The following IGF2R variants were observed in gnomAD, a reference collection of about 807,000 sequenced individuals.
IGF2R encodes the protein insulin like growth factor 2 receptor, also known as cation-independent mannose-6-phosphate receptor.
In IGF2R, 91 loss-of-function variants were observed where a neutral mutation model predicts 270.6. The ratio of observed to expected loss-of-function variants is 0.34; its 90% CI spans 0.28 to 0.40. IGF2R has a LOEUF of 0.40. Among genes scored for constraint, IGF2R ranks in the 10% least tolerant of loss-of-function variants. IGF2R has a pLI of 1.00. For synonymous variants in IGF2R, 1,316 were observed against 1,258.9 expected, an observed-to-expected ratio of 1.05 and a Z score of -0.96; for missense variants, 2,805 against 3,188.3, an observed-to-expected ratio of 0.88 and a Z score of 2.90.
chr6:160,006,400 G>C (rs1268846032), intron 2 of IGF2R: 1 of 150,724 alleles, frequency 6.6e-6, no homozygotes, highest in Non-Finnish European at 1.5e-5. Context: ...ACTGCGGGCG[G>C]GACAGTGGGA....
chr6:160,102,762 T>C lies in IGF2R; in HGVS notation c.6995+91T>C. 1 of 1,398,184 alleles carries C rather than the reference T, an allele frequency of 7.2e-7. No homozygotes were observed. Among genetic ancestry groups the C allele is most frequent in the South Asian group, 1.4e-5 (1 of 71,834 alleles). 86.6% of individuals were successfully genotyped at this position (1,398,184 alleles called of 1,614,324 possible). The stretch of plus-strand genomic sequence containing the variant: ...AGTTTTGTGGGGTTTTATTTATTTG[T>C]TTTTAAGCCCTACAGCAGCGAAGGC... On this transcript the variant is annotated intron_variant, in intron 46 of 47. Coordinates refer to ENST00000356956, the MANE Select transcript of IGF2R (RefSeq NM_000876.4). The surrounding 1 kb of genome is among the most constrained non-coding windows in gnomAD (Gnocchi z 4.5).
Position 160,029,623 on chromosome 6 carries a change from A to G in IGF2R, c.850A>G (p.Ile284Val), listed in dbSNP as rs1444680491. ...TGATGGTCACAGCCCTGCGGTGACTATTACATTTGTTTGCCCGTCGGAGCG... is the reference window on the plus strand; with the variant it reads ...TGATGGTCACAGCCCTGCGGTGACTGTTACATTTGTTTGCCCGTCGGAGCG... ...FCDGHSPAVT[I>V]TFVCPSERRE... The change falls in exon 7 of 48, where the codon ATT becomes GTT. Residue 284 changes from isoleucine to valine, a missense_variant. Physicochemically the swap from Ile to Val is conservative, Grantham distance 29 (BLOSUM62 3). This residue lies in a region of IGF2R where 954 missense variants were observed against 981.1 expected (regional missense o/e 0.97). Transcript: ENST00000356956. The G allele has an allele frequency of 3.7e-6, 6 of 1,613,932 alleles. No individual in the cohort carries two copies. The highest frequency in any genetic ancestry group is 4.5e-5 in the East Asian group (2 of 44,880).
intron 41 of IGF2R, 37 bp downstream of exon 41, chr6:160,085,168 C>A: frequency 6.2e-7 from 1 of 1,603,462 alleles, no homozygotes; most frequent in African/African-American, 1.3e-5. Context: ...GTTCAAGGAG[C>A]AGCATCTGAA....
At chr6:159,972,454 C>T (rs1783624766) in intron 1 of IGF2R, among the ~76,000 whole-genome samples, 1 of 152,214 alleles carries the variant, frequency 6.6e-6, no homozygotes, top group Non-Finnish European at 1.5e-5. Flanking sequence ...AGCACCCAGA[C>T]ACCATATGGC....
chr6:159,996,324 C>T (rs1364789195), intron 2 of IGF2R, among the ~76,000 whole-genome samples: 3 of 152,230 alleles, frequency 2.0e-5, no homozygotes, highest in South Asian at 2.1e-4. Context: ...CAGTGGAATC[C>T]GATGGGTGGG....
Position 160,079,672 on chromosome 6 carries a change from G to C in IGF2R, c.5571G>C (p.Leu1857=), listed in dbSNP as rs936772898. Residue 1857 remains leucine (L), a synonymous_variant, in exon 38 of 48, where the codon CTG becomes CTC. Transcript: ENST00000356956. ...QGGCKDGGVC[L]LSGTKGASFG... The stretch of plus-strand genomic sequence containing the variant: ...GCTGTAAGGACGGAGGAGTCTGTCT[G>C]CTCTCAGGCACCAAGGGGGCATCCT... 1.9e-6 allele frequency: 3 copies of C among 1,563,604 alleles called. No homozygotes were observed. The highest frequency in any genetic ancestry group is 2.6e-6 in the Non-Finnish European group (3 of 1,155,658).
intron 1 of IGF2R, among the ~76,000 whole-genome samples, chr6:159,984,399 C>CAGG (rs1443835693): frequency 6.6e-6 from 1 of 152,230 alleles, no homozygotes; most frequent in Non-Finnish European, 1.5e-5. Flanking sequence ...AGCGTCCAGT[C>CAGG]AGGTCCTAGG....
intron 31 of IGF2R, among the ~76,000 whole-genome samples, chr6:160,070,355 C>G (rs950085369): frequency 9.9e-5 from 15 of 152,018 alleles, no homozygotes; most frequent in African/African-American, 3.6e-4. Flanking sequence ...ACTACATGCC[C>G]TTTTGTCTTC....
rs1784083871 is a variant in IGF2R at position 159,998,488 on chromosome 6, G to A, written c.289+7165G>A. On this transcript the variant is annotated intron_variant, in intron 2 of 47. Coordinates refer to ENST00000356956, the MANE Select transcript of IGF2R (RefSeq NM_000876.4). This position sits in a 1 kb window ranked among gnomAD's most constrained non-coding sequence, Gnocchi z 4.1. ...TTTGTGATGGTAACGGGGAGGTGAT[G>A]TGATGGAAGGTGTTTTTAGGAAGCT... Among the ~76,000 whole-genome samples, 1 of 152,214 alleles carries A rather than the reference G, an allele frequency of 6.6e-6. No homozygotes were observed. The highest frequency in any genetic ancestry group is 1.5e-5 in the Non-Finnish European group (1 of 68,044).
intron 45 of IGF2R, among the ~76,000 whole-genome samples, chr6:160,097,651 C>G (rs1779394587): frequency 6.6e-6 from 1 of 152,188 alleles, no homozygotes; most frequent in African/African-American, 2.4e-5. Context: ...TTTACATAAG[C>G]TTTTCATTCT....
At chr6:159,982,717 G>A (rs1434902052) in intron 1 of IGF2R, among the ~76,000 whole-genome samples, 1 of 152,154 alleles carries the variant, frequency 6.6e-6, no homozygotes, top group Non-Finnish European at 1.5e-5. Flanking sequence ...CAGGGACTGA[G>A]GAAACTAAGA....
At chr6:160,073,165 C>T (rs1409061420) in intron 33 of IGF2R, 48 bp from the exon 34 acceptor site, 1 of 1,593,412 alleles carries the variant, frequency 6.3e-7, no homozygotes, top group Non-Finnish European at 8.6e-7. Context: ...AGAAAATTGG[C>T]CATCGAGTCT....
intron 44 of IGF2R, among the ~76,000 whole-genome samples, chr6:160,091,555 G>A (rs1213473926): frequency 6.6e-6 from 1 of 152,198 alleles, no homozygotes; most frequent in African/African-American, 2.4e-5. Flanking sequence ...GAAAGTGAAT[G>A]TTCTGCTTTC....
intron 11 of IGF2R, among the ~76,000 whole-genome samples, chr6:160,041,640 C>T (rs1777948883): frequency 6.6e-6 from 1 of 152,120 alleles, no homozygotes; most frequent in African/African-American, 2.4e-5. Context: ...CACTGCTGCT[C>T]CTGTCTTCTG....
At chr6:159,978,436 A>G (rs1345040055) in intron 1 of IGF2R, among the ~76,000 whole-genome samples, 1 of 152,104 alleles carries the variant, frequency 6.6e-6, no homozygotes, top group Non-Finnish European at 1.5e-5. Context: ...TCGTGGTTCC[A>G]GGGCAAGAAG....
At position 160,080,346 on chromosome 6, in the gene IGF2R, G is replaced by A. The variant is rs531661534; in HGVS notation, c.5833+71G>A. 198 of 1,430,454 alleles carry A rather than the reference G, an allele frequency of 1.4e-4. No homozygotes were observed. The African/African-American group carries it at 2.5e-3, about 18-fold the overall frequency. 88.6% of individuals were successfully genotyped at this position (1,430,454 alleles called of 1,614,324 possible). On this transcript the variant is annotated intron_variant, in intron 39 of 47. Coordinates refer to ENST00000356956, the MANE Select transcript of IGF2R (RefSeq NM_000876.4). ...ACTGTCAAGGCTCGATTCACACTGA[G>A]ACCTTTGTGGATGCCCCAGTCAGTG...
chr6:160,087,284 A>T (rs990727717), intron 41 of IGF2R, among the ~76,000 whole-genome samples: 3 of 152,180 alleles, frequency 2.0e-5, no homozygotes, highest in African/African-American at 7.2e-5. Flanking sequence ...ACCTGTCAGG[A>T]AAGCACCTAA....
At chr6:160,053,114 G>A (rs976128794) in intron 19 of IGF2R, among the ~76,000 whole-genome samples, 6 of 152,126 alleles carry the variant, frequency 3.9e-5, no homozygotes, top group African/African-American at 1.4e-4. Context: ...CTTCTGCACG[G>A]CAAAAGAAGC....
chr6:159,986,002 G>A (rs1783876814), intron 1 of IGF2R, among the ~76,000 whole-genome samples: 1 of 152,118 alleles, frequency 6.6e-6, no homozygotes, highest in Admixed American at 6.5e-5. Context: ...CTCCCTTGAG[G>A]ATGGTCACTG....
Sources: allele counts gnomAD v4.1 joint callset (sites outside exome capture counted in the v4.1 genomes callset), GRCh38; gene constraint gnomAD v4.1.1; regional missense constraint gnomAD v4.1.1; non-coding constraint Gnocchi (gnomAD v3.1); transcripts MANE v1.5; gene names NCBI Gene and HGNC (gene_info 2026-07-23, HGNC 2026-07-21).